The following RAB33B variants were observed in gnomAD, a reference collection of about 807,000 sequenced individuals.
The protein encoded by RAB33B is ras-related protein Rab-33B.
RAB33B carries 6 observed loss-of-function variants against 15.0 expected under a neutral mutation model. That is an observed-to-expected ratio of 0.40 (90% CI 0.22 to 0.79). The LOEUF (loss-of-function observed/expected upper bound fraction) is 0.79, where lower values mean the gene tolerates loss of function less well. Ranked by LOEUF, RAB33B falls within the 30% of genes least tolerant of loss-of-function variation. The pLI is 0.37. For missense variants in RAB33B, 257 were observed against 296.4 expected (o/e 0.87, Z 0.98); for synonymous variants, 117 against 108.3 (o/e 1.08, Z -0.50).
chr4:139,460,416 A>G (rs1750151573), intron 1 of RAB33B, among the ~76,000 whole-genome samples: 2 of 152,240 alleles, frequency 1.3e-5, no homozygotes, highest in South Asian at 4.1e-4. Flanking sequence ...AAATTTTTTT[A>G]TGGCATGATG....
intron 1 of RAB33B, among the ~76,000 whole-genome samples, chr4:139,465,220 A>C (rs1481395386): frequency 6.6e-6 from 1 of 152,136 alleles, no homozygotes; most frequent in Non-Finnish European, 1.5e-5. Context: ...TCCTTTGCTC[A>C]CTTTTTGATG....
chr4:139,439,599 C>T, the RAB33B span, among the ~76,000 whole-genome samples: 1 of 152,154 alleles, frequency 6.6e-6, no homozygotes, highest in Non-Finnish European at 1.5e-5. Context: ...GTCATCATTT[C>T]TTCAAATATT....
intron 1 of RAB33B, among the ~76,000 whole-genome samples, chr4:139,456,487 C>G (rs1199058764): frequency 6.6e-6 from 1 of 151,364 alleles, no homozygotes; most frequent in African/African-American, 2.5e-5. Flanking sequence ...AATTACCTAA[C>G]TACTGAGGTG....
At chr4:139,468,836 T>A (rs767687934) in intron 1 of RAB33B, among the ~76,000 whole-genome samples, 2 of 152,250 alleles carry the variant, frequency 1.3e-5, no homozygotes, top group Non-Finnish European at 2.9e-5. Flanking sequence ...TATACCATTC[T>A]AGGATAAAAG....
upstream of RAB33B, chr4:139,452,439 C>T (rs1749945128): frequency 6.6e-6 from 1 of 152,150 alleles, no homozygotes; most frequent in Non-Finnish European, 1.5e-5. Flanking sequence ...GAAATTCTCC[C>T]ATTAACCACA....
chr4:139,441,677 C>T, the RAB33B span, among the ~76,000 whole-genome samples: 1 of 152,142 alleles, frequency 6.6e-6, no homozygotes, highest in Non-Finnish European at 1.5e-5. Flanking sequence ...TAACTTACAA[C>T]GGGTTTATCT....
intron 1 of RAB33B, among the ~76,000 whole-genome samples, chr4:139,463,625 C>CT (rs559720500): frequency 1.1e-3 from 173 of 152,318 alleles, no homozygotes; most frequent in African/African-American, 3.8e-3. Context: ...AGTTTCTCTT[C>CT]TTTTTTAAAC....
chr4:139,464,391 T>G (rs867387987), intron 1 of RAB33B, among the ~76,000 whole-genome samples: 7 of 139,188 alleles, frequency 5.0e-5, no homozygotes, highest in Admixed American at 1.5e-4. Flanking sequence ...ATACTGTTTT[T>G]TTTTTTTTTT....
chr4:139,467,129 T>G (rs1579180246), intron 1 of RAB33B, among the ~76,000 whole-genome samples: 1 of 150,710 alleles, frequency 6.6e-6, no homozygotes, highest in East Asian at 2.0e-4. Context: ...CCACCACACC[T>G]GGCTAATTTT....
the RAB33B span, among the ~76,000 whole-genome samples, chr4:139,447,635 A>G: frequency 1.4e-4 from 21 of 146,714 alleles, no homozygotes; most frequent in African/African-American, 5.3e-4. Flanking sequence ...GACCCGGACT[A>G]TCAAGATGAA....
chr4:139,443,815 A>G, the RAB33B span, among the ~76,000 whole-genome samples: 1 of 152,148 alleles, frequency 6.6e-6, no homozygotes, highest in South Asian at 2.1e-4. Flanking sequence ...CCACACTGTC[A>G]TCAGCCTTTC....
the RAB33B span, among the ~76,000 whole-genome samples, chr4:139,439,950 GT>G: frequency 6.6e-6 from 1 of 151,874 alleles, no homozygotes; most frequent in Middle Eastern, 3.4e-3. Flanking sequence ...AATTCCTTTT[GT>G]TTTTTGAGTC....
intron 1 of RAB33B, among the ~76,000 whole-genome samples, chr4:139,463,363 T>C (rs1322393827): frequency 6.6e-6 from 1 of 152,134 alleles, no homozygotes; most frequent in Non-Finnish European, 1.5e-5. Flanking sequence ...CTTGAACTCC[T>C]GACCTCAAGT....
the RAB33B span, among the ~76,000 whole-genome samples, chr4:139,440,082 C>G: frequency 6.6e-6 from 1 of 152,116 alleles, no homozygotes; most frequent in African/African-American, 2.4e-5. Flanking sequence ...CAGATTCTTC[C>G]TCTTCTCCAG....
Position 139,473,613 on chromosome 4 carries a change from C to G in RAB33B, c.*487C>G, listed in dbSNP as rs1750438905. ...TCCAGGCTGGCCTTGAGCTCCTGGGCTCAAGCAATCCTCCCACCTCAGCCT... is the reference window on the plus strand; with the variant it reads ...TCCAGGCTGGCCTTGAGCTCCTGGGGTCAAGCAATCCTCCCACCTCAGCCT... On this transcript the variant is annotated 3_prime_UTR_variant, in exon 2 of 2. Coordinates refer to ENST00000305626, the MANE Select transcript of RAB33B (RefSeq NM_031296.3). The G allele has an allele frequency of 6.4e-6, 1 of 155,722 alleles. No homozygotes were observed. 9.6% of individuals were successfully genotyped at this position (155,722 alleles called of 1,614,324 possible).
chr4:139,474,772 A>G lies in RAB33B; in HGVS notation c.*1646A>G, dbSNP rs1359307791. ...ATATAGCAAGCTTACATATTAAACT[A>G]TTTACGTAAATGGAATGTAAGCCAT... On this transcript the variant is annotated 3_prime_UTR_variant, in exon 2 of 2. Transcript: ENST00000305626. 1 of 152,644 alleles carries G rather than the reference A, an allele frequency of 6.6e-6. No individual in the cohort carries two copies. The highest frequency in any genetic ancestry group is 1.5e-5 in the Non-Finnish European group (1 of 68,008). 9.5% of individuals were successfully genotyped at this position (152,644 alleles called of 1,614,324 possible). A position where few individuals can be genotyped will look rare whatever the true frequency, so the allele number is the denominator to read the frequency against.
At position 139,471,915 on chromosome 4, in the gene RAB33B, C is replaced by T. The variant is rs553562074; in HGVS notation, c.250-771C>T. On this transcript the variant is annotated intron_variant, in intron 1 of 1. Transcript: ENST00000305626. Reference sequence around the variant, plus strand: ...ATATGGTGTGAGATAGGGATCCAGCCTCATTTTTTGCATGTTGTCCAGCAC... The same window carrying T: ...ATATGGTGTGAGATAGGGATCCAGCTTCATTTTTTGCATGTTGTCCAGCAC... Among the ~76,000 whole-genome samples the T allele has an allele frequency of 1.3e-3, 192 of 152,228 alleles. 3 individuals are homozygous for T. The South Asian group carries it at 0.013, about 11-fold the overall frequency.
upstream of RAB33B, chr4:139,449,254 T>C (rs1749880318): frequency 6.6e-6 from 1 of 152,242 alleles, no homozygotes; most frequent in African/African-American, 2.4e-5. Context: ...CTGGTGTGTT[T>C]CCAGCTGTAC....
chr4:139,440,615 AT>A, the RAB33B span, among the ~76,000 whole-genome samples: 317 of 144,668 alleles, frequency 2.2e-3, 1 homozygote, highest in African/African-American at 4.5e-3. Context: ...AAATTGACCA[AT>A]TTTTTTTTTT....
Sources: gnomAD v4.1 joint callset for allele counts (sites outside exome capture counted in the v4.1 genomes callset) on GRCh38, gnomAD v4.1.1 for gene constraint, MANE v1.5 for transcripts, NCBI Gene and HGNC (gene_info 2026-07-23, HGNC 2026-07-21) for gene names.